CPEB3: variants seen among roughly 807,000 people sequenced by gnomAD.
CPEB3 encodes the protein cytoplasmic polyadenylation element-binding protein 3.
In CPEB3, 20 loss-of-function variants were observed where a neutral mutation model predicts 67.2. The ratio of observed to expected loss-of-function variants is 0.30; its 90% CI spans 0.21 to 0.43. The LOEUF is 0.43. Ranked by LOEUF, CPEB3 falls within the 20% of genes least tolerant of loss-of-function variation. CPEB3 has a pLI of 1.00. For synonymous variants in CPEB3, 376 were observed against 393.1 expected (o/e 0.96, Z 0.51); for missense variants, 746 against 968.6 (o/e 0.77, Z 3.05).
intron 1 of CPEB3, among the ~76,000 whole-genome samples, chr10:92,241,852 T>G (rs1302885425): frequency 6.6e-6 from 1 of 152,220 alleles, no homozygotes; most frequent in African/African-American, 2.4e-5. Flanking sequence ...ATATAATTAT[T>G]TTTAGATGAT....
At chr10:92,180,824 T>C (rs910613634) in intron 4 of CPEB3, 139 bp downstream of exon 4, 26 of 599,838 alleles carry the variant, frequency 4.3e-5, no homozygotes, top group Middle Eastern at 2.8e-4. Context: ...GGACCACACT[T>C]TGAGAACCAC....
intron 2 of CPEB3, among the ~76,000 whole-genome samples, chr10:92,236,657 G>T (rs1017605270): frequency 6.6e-6 from 1 of 152,134 alleles, no homozygotes; most frequent in African/African-American, 2.4e-5. Flanking sequence ...GCTGAGGCAG[G>T]AGAATTGCTT....
At chr10:92,064,916 T>A (rs2134343322) in intron 9 of CPEB3, among the ~76,000 whole-genome samples, 1 of 152,350 alleles carries the variant, frequency 6.6e-6, no homozygotes, top group East Asian at 1.9e-4. Flanking sequence ...ACCTCAGTAA[T>A]GAGGAATTTA....
chr10:92,233,275 T>C (rs1402040787), intron 2 of CPEB3, among the ~76,000 whole-genome samples: 1 of 152,094 alleles, frequency 6.6e-6, no homozygotes, highest in Non-Finnish European at 1.5e-5. Context: ...ACACCTCTAA[T>C]CTCAGCACTT....
At chr10:92,264,501 T>C (rs571205051) in intron 1 of CPEB3, among the ~76,000 whole-genome samples, 1 of 152,212 alleles carries the variant, frequency 6.6e-6, no homozygotes, top group South Asian at 2.1e-4. Context: ...TTGCATACAA[T>C]CAGGCCTCTG....
intron 1 of CPEB3, among the ~76,000 whole-genome samples, chr10:92,274,851 T>G (rs1841903616): frequency 6.6e-6 from 1 of 152,080 alleles, no homozygotes; most frequent in African/African-American, 2.4e-5. Context: ...ATAAAATAAA[T>G]GTAGTTCCTT....
intron 2 of CPEB3, among the ~76,000 whole-genome samples, chr10:92,193,972 A>G (rs1264479469): frequency 6.6e-6 from 1 of 151,140 alleles, no homozygotes; most frequent in African/African-American, 2.4e-5. Flanking sequence ...AATTTTTTGT[A>G]TTTTTAGTAG....
intron 9 of CPEB3, among the ~76,000 whole-genome samples, chr10:92,076,897 G>A (rs1489890220): frequency 6.6e-6 from 1 of 151,592 alleles, no homozygotes; most frequent in Non-Finnish European, 1.5e-5. Flanking sequence ...GGAAGAGGAA[G>A]GAAGGAAGAA....
intron 5 of CPEB3, among the ~76,000 whole-genome samples, chr10:92,144,637 T>C (rs1846594029): frequency 6.6e-6 from 1 of 152,232 alleles, no homozygotes; most frequent in African/African-American, 2.4e-5. Flanking sequence ...TAATTGAATT[T>C]GAGTTGCAAC....
intron 7 of CPEB3, among the ~76,000 whole-genome samples, chr10:92,104,985 CGG>C (rs1844374349): frequency 6.6e-5 from 10 of 151,936 alleles, no homozygotes; most frequent in African/African-American, 1.7e-4. Flanking sequence ...ACTGCAGCCT[CGG>C]ACTCCTGACC....
chr10:92,063,704 C>T (rs1012213228), intron 9 of CPEB3, among the ~76,000 whole-genome samples: 1 of 151,206 alleles, frequency 6.6e-6, no homozygotes, highest in African/African-American at 2.4e-5. Flanking sequence ...GCAGAGGTTG[C>T]AGTGAGCCAA....
At chr10:92,142,262 A>T (rs577650788) in intron 6 of CPEB3, among the ~76,000 whole-genome samples, 1 of 152,342 alleles carries the variant, frequency 6.6e-6, no homozygotes, top group South Asian at 2.1e-4. Flanking sequence ...GCTGAGTAAT[A>T]TTACACAATA....
intron 1 of CPEB3, among the ~76,000 whole-genome samples, chr10:92,281,037 G>A (rs1434146474): frequency 1.3e-5 from 2 of 151,994 alleles, no homozygotes; most frequent in East Asian, 3.9e-4. Flanking sequence ...TGGGATTACA[G>A]GCATGAACCA....
chr10:92,138,846 G>C (rs745812741), intron 6 of CPEB3, among the ~76,000 whole-genome samples: 1 of 152,112 alleles, frequency 6.6e-6, no homozygotes, highest in Non-Finnish European at 1.5e-5. Flanking sequence ...CATACTGCTA[G>C]GTATATATAA....
intron 9 of CPEB3, among the ~76,000 whole-genome samples, chr10:92,067,606 G>C (rs1419513271): frequency 6.6e-6 from 1 of 151,998 alleles, no homozygotes; most frequent in Non-Finnish European, 1.5e-5. Context: ...ATCACCTGAG[G>C]TCAGGAGTTC....
chr10:92,055,515 G>A (rs1055545310), intron 9 of CPEB3, among the ~76,000 whole-genome samples: 4 of 152,042 alleles, frequency 2.6e-5, no homozygotes, highest in African/African-American at 4.8e-5. Flanking sequence ...GAGACATTAC[G>A]AACATTCTTC....
chr10:92,254,229 TAA>T (rs61680875), intron 1 of CPEB3, among the ~76,000 whole-genome samples: 3 of 144,534 alleles, frequency 2.1e-5, no homozygotes, highest in Admixed American at 6.9e-5. Context: ...ACCCTGCCTT[TAA>T]AAAAAAAAAA....
chr10:92,179,597 T>A (rs1036384788), intron 4 of CPEB3, among the ~76,000 whole-genome samples: 1 of 152,232 alleles, frequency 6.6e-6, no homozygotes, highest in African/African-American at 2.4e-5. Context: ...GGCAGCATAA[T>A]CTAAATTTAA....
At chr10:92,137,269 G>A (rs898137158) in intron 6 of CPEB3, 5 of 613,474 alleles carry the variant, frequency 8.2e-6, no homozygotes, top group South Asian at 1.9e-5. Flanking sequence ...GGGCACCAAC[G>A]TGCATGCTGA....
Sources: gnomAD v4.1 joint callset for allele counts (sites outside exome capture counted in the v4.1 genomes callset) on GRCh38, gnomAD v4.1.1 for gene constraint, MANE v1.5 for transcripts, NCBI Gene and HGNC (gene_info 2026-07-23, HGNC 2026-07-21) for gene names.